Variants in SPEF2 observed in about 807,000 individuals in gnomAD.
SPEF2 encodes sperm flagellar and cilia associated 2.
In SPEF2, 187 loss-of-function variants were observed where a neutral mutation model predicts 224.6. The ratio of observed to expected loss-of-function variants is 0.83; its 90% CI spans 0.74 to 0.94. The LOEUF is 0.94. SPEF2 is among the 40% of genes least tolerant of loss of function. The pLI is 0.00. For synonymous variants in SPEF2, 715 were observed against 707.3 expected (o/e 1.01, Z -0.17); for missense variants, 2,170 against 2,135.6 (o/e 1.02, Z -0.32).
chr5:35,707,749 TG>T (rs1248653341), intron 18 of SPEF2, among the ~76,000 whole-genome samples: 1 of 152,124 alleles, frequency 6.6e-6, no homozygotes, highest in Non-Finnish European at 1.5e-5. Context: ...TCCAGGCATC[TG>T]GGCTAACCAT....
At chr5:35,641,876 C>T (rs1431383662) in intron 3 of SPEF2, 193 bp downstream of exon 3, 1 of 520,570 alleles carries the variant, frequency 1.9e-6, no homozygotes, top group Admixed American at 3.6e-5. Context: ...CTCTCTCTAT[C>T]CTATCCATAT....
At chr5:35,804,549 C>G (rs767847444) in intron 34 of SPEF2, among the ~76,000 whole-genome samples, 18 of 152,144 alleles carry the variant, frequency 1.2e-4, no homozygotes, top group Middle Eastern at 3.2e-3. Context: ...AGTTTGATCT[C>G]AGTCTCTCTC....
At chr5:35,768,790 A>T (rs1397487472) in intron 26 of SPEF2, among the ~76,000 whole-genome samples, 1 of 152,162 alleles carries the variant, frequency 6.6e-6, no homozygotes, top group Admixed American at 6.6e-5. Flanking sequence ...TGAATTTCTA[A>T]TGAAACAGGT....
chr5:35,650,048 C>T (rs528640386), intron 6 of SPEF2, among the ~76,000 whole-genome samples: 1 of 152,182 alleles, frequency 6.6e-6, no homozygotes, highest in East Asian at 1.9e-4. Flanking sequence ...GGAAATGATC[C>T]AAACTCTATG....
At chr5:35,708,582 C>CACCATAACTATCACCACCACCATG (rs1358061754) in intron 18 of SPEF2, among the ~76,000 whole-genome samples, 1 of 152,042 alleles carries the variant, frequency 6.6e-6, no homozygotes, top group Non-Finnish European at 1.5e-5. Context: ...CCACCACCAT[C>CACCATAACTATCACCACCACCATG]ACTACCACCA....
intron 1 of SPEF2, among the ~76,000 whole-genome samples, chr5:35,620,717 C>T (rs779352470): frequency 3.3e-5 from 5 of 152,160 alleles, no homozygotes; most frequent in Non-Finnish European, 7.4e-5. Context: ...AATTAGTTAG[C>T]TGCTATAACT....
chr5:35,759,631 A>G lies in SPEF2; in HGVS notation c.3532A>G (p.Ser1178Gly). Residue 1178 changes from serine (S) to glycine (G), a missense_variant, in exon 25 of 37, where the codon AGT becomes GGT. By Grantham distance (56) the Ser-to-Gly change is moderately conservative. Transcript: ENST00000356031. ...TCAAGATTATTACTGGGGAATGGAA[A>G]GTAAAATCCCAGTAGAGGACAACAA... ...LLQDYYWGME[S>G]KIPVEDNKRF... 1.2e-6 allele frequency: 2 copies of G among 1,612,316 alleles called. No homozygotes were observed. The highest frequency in any genetic ancestry group is 1.7e-4 in the Middle Eastern group (1 of 6,046).
At chr5:35,682,375 A>G (rs1379701809) in intron 10 of SPEF2, among the ~76,000 whole-genome samples, 1 of 152,212 alleles carries the variant, frequency 6.6e-6, no homozygotes, top group Non-Finnish European at 1.5e-5. Flanking sequence ...CAGGAAACCC[A>G]AGGAAACTAA....
intron 11 of SPEF2, 130 bp from the exon 12 acceptor site, chr5:35,692,440 G>T (rs1324313124): frequency 4.3e-6 from 3 of 697,404 alleles, no homozygotes; most frequent in Non-Finnish European, 7.1e-6. Context: ...AAACAAAAAA[G>T]AAACTTGATC....
At chr5:35,634,267 A>C (rs73747489) in intron 2 of SPEF2, among the ~76,000 whole-genome samples, 14,464 of 152,070 alleles carry the variant, frequency 0.095, 843 homozygotes, top group East Asian at 0.17. Flanking sequence ...TATTTTTACC[A>C]GTCATAGAAT....
rs541302098 is a variant in SPEF2, at chr5:35,737,649, T to C, written c.3064-2270T>C. Among the ~76,000 whole-genome samples the C allele has an allele frequency of 1.2e-3, 181 of 152,274 alleles. 1 individual carries two copies. Among genetic ancestry groups the C allele is most frequent in the African/African-American group, 4.2e-3 (173 of 41,556 alleles). ...TTGGGTTGGTTCCAAGTCTTTGCTATTGTGAATAGTGCCGCAATAAACATA... is the reference window on the plus strand; with the variant it reads ...TTGGGTTGGTTCCAAGTCTTTGCTACTGTGAATAGTGCCGCAATAAACATA... On this transcript the variant is annotated intron_variant, in intron 21 of 36. Transcript: ENST00000356031.
At chr5:35,618,076 G>T (rs1368857124) in intron 1 of SPEF2, 21 bp downstream of exon 1, 4 of 1,573,084 alleles carry the variant, frequency 2.5e-6, no homozygotes, top group Non-Finnish European at 3.5e-6. Flanking sequence ...ACGGCCAGGG[G>T]CGAGCGTCTG....
At chr5:35,665,122 T>A (rs1156393468) in intron 8 of SPEF2, among the ~76,000 whole-genome samples, 1 of 152,134 alleles carries the variant, frequency 6.6e-6, no homozygotes, top group East Asian at 1.9e-4. Context: ...TCAACGACCA[T>A]AAGTGGATGC....
intron 23 of SPEF2, among the ~76,000 whole-genome samples, chr5:35,745,435 C>A (rs1748346606): frequency 6.6e-6 from 1 of 152,132 alleles, no homozygotes; most frequent in Non-Finnish European, 1.5e-5. Flanking sequence ...GTTCTCAAGC[C>A]CATCTCACCC....
intron 1 of SPEF2, among the ~76,000 whole-genome samples, chr5:35,625,953 T>C (rs1744177795): frequency 6.6e-6 from 1 of 152,206 alleles, no homozygotes; most frequent in African/African-American, 2.4e-5. Context: ...GAATGACAGA[T>C]GACATTTAGT....
intron 16 of SPEF2, among the ~76,000 whole-genome samples, chr5:35,701,568 G>A (rs1200351904): frequency 6.6e-6 from 1 of 152,158 alleles, no homozygotes; most frequent in Non-Finnish European, 1.5e-5. Flanking sequence ...GCTGAATATT[G>A]CCTCTTGGAC....
chr5:35,805,981 A>G (rs116091525), intron 34 of SPEF2, among the ~76,000 whole-genome samples: 5 of 152,156 alleles, frequency 3.3e-5, no homozygotes, highest in Admixed American at 6.5e-5. Flanking sequence ...TTTTTGCTGT[A>G]ACACTGAATG....
rs527499438 is a variant in SPEF2, at chr5:35,676,287, G to T, written c.1524+6060G>T. Among the ~76,000 whole-genome samples, 7 of 150,112 alleles carry T rather than the reference G, an allele frequency of 4.7e-5. No individual in the cohort carries two copies. In the South Asian group the frequency reaches 1.5e-3, roughly 32 times the overall value. On this transcript the variant is annotated intron_variant, in intron 10 of 36. Transcript: ENST00000356031. ...AAGAGATGGTGGTCAGGGCTTTTCT[G>T]GGCTTTCTACTACTGAGTTTTGGGT...
intron 9 of SPEF2, among the ~76,000 whole-genome samples, chr5:35,667,788 A>G (rs911333817): frequency 1.9e-4 from 29 of 152,202 alleles, no homozygotes; most frequent in African/African-American, 6.8e-4. Flanking sequence ...ACTAATATCT[A>G]GAATATATGA....
Sources: allele counts gnomAD v4.1 joint callset (sites outside exome capture counted in the v4.1 genomes callset), GRCh38; gene constraint gnomAD v4.1.1; transcripts MANE v1.5; gene names NCBI Gene and HGNC (gene_info 2026-07-23, HGNC 2026-07-21).